Variants in SLIT3 observed in about 807,000 individuals in gnomAD.
The protein encoded by SLIT3 is slit guidance ligand 3.
In SLIT3, 68 loss-of-function variants were observed where a neutral mutation model predicts 184.0. The ratio of observed to expected loss-of-function variants is 0.37; its 90% CI spans 0.30 to 0.45. SLIT3 has a LOEUF of 0.45. Among genes scored for constraint, SLIT3 ranks in the 20% least tolerant of loss-of-function variants. SLIT3 has a pLI of 1.00. For synonymous variants in SLIT3, 831 were observed against 828.6 expected, an observed-to-expected ratio of 1.00 and a Z score of -0.05; for missense variants, 1,707 against 2,026.0, an observed-to-expected ratio of 0.84 and a Z score of 3.02.
chr5:168,804,824 A>G (rs939117498), intron 9 of SLIT3, among the ~76,000 whole-genome samples: 1 of 152,202 alleles, frequency 6.6e-6, no homozygotes, highest in Non-Finnish European at 1.5e-5. Context: ...GTAAAGCCAA[A>G]GTCTTTAAAA....
intron 5 of SLIT3, among the ~76,000 whole-genome samples, chr5:168,845,303 T>A (rs1447304633): frequency 6.6e-6 from 1 of 152,146 alleles, no homozygotes; most frequent in Non-Finnish European, 1.5e-5. Flanking sequence ...ATCTGGTAGG[T>A]CATTCTATTG....
chr5:169,043,929 C>T (rs150224480), intron 4 of SLIT3, among the ~76,000 whole-genome samples: 23 of 152,304 alleles, frequency 1.5e-4, no homozygotes, highest in Middle Eastern at 3.4e-3. Context: ...GACATAACTA[C>T]GACAGAACAT....
At chr5:168,809,979 G>A (rs558331458) in intron 8 of SLIT3, among the ~76,000 whole-genome samples, 1 of 152,242 alleles carries the variant, frequency 6.6e-6, no homozygotes, top group Admixed American at 6.5e-5. Flanking sequence ...TTTCCATGCT[G>A]GCAAAATCAC....
chr5:168,739,113 A>T (rs4867869), intron 20 of SLIT3, among the ~76,000 whole-genome samples: 21,367 of 152,178 alleles, frequency 0.14, 1,878 homozygotes, highest in Non-Finnish European at 0.2. Flanking sequence ...GACATTATTT[A>T]AAAAATATAT....
chr5:168,852,213 C>T (rs560078765), intron 5 of SLIT3, among the ~76,000 whole-genome samples: 2 of 152,250 alleles, frequency 1.3e-5, no homozygotes, highest in East Asian at 3.9e-4. Flanking sequence ...GAGGAAGAAG[C>T]GAGAAACTGG....
At chr5:168,950,496 T>A (rs1562023256) in intron 4 of SLIT3, among the ~76,000 whole-genome samples, 1 of 152,358 alleles carries the variant, frequency 6.6e-6, no homozygotes, top group East Asian at 1.9e-4. Flanking sequence ...GTGGGCAACA[T>A]ACACAGTCTC....
intron 3 of SLIT3, among the ~76,000 whole-genome samples, chr5:169,210,585 T>C (rs767584233): frequency 1.3e-5 from 2 of 152,050 alleles, no homozygotes; most frequent in African/African-American, 2.4e-5. Context: ...AGTCAGTTAG[T>C]AGGAAGAGAA....
chr5:168,962,514 G>A (rs757839169), intron 4 of SLIT3, among the ~76,000 whole-genome samples: 13 of 151,692 alleles, frequency 8.6e-5, no homozygotes, highest in East Asian at 3.9e-4. Flanking sequence ...TCTATATTCC[G>A]TGTGCTGATG....
chr5:169,023,763 G>A (rs1011299727), intron 4 of SLIT3: 1 of 152,250 alleles, frequency 6.6e-6, no homozygotes, highest in Non-Finnish European at 1.5e-5. Flanking sequence ...GGATGGCTGT[G>A]TGTGGGTGGG....
chr5:169,143,794 CG>C, intron 4 of SLIT3, among the ~76,000 whole-genome samples: 1 of 150,346 alleles, frequency 6.7e-6, no homozygotes, highest in African/African-American at 2.5e-5. Flanking sequence ...AGCCAGAAAA[CG>C]AAAAAAAACA....
intron 4 of SLIT3, among the ~76,000 whole-genome samples, chr5:168,912,866 C>T (rs1761299119): frequency 6.6e-6 from 1 of 152,162 alleles, no homozygotes; most frequent in Non-Finnish European, 1.5e-5. Flanking sequence ...TGGTCCTGTT[C>T]ATCCTTCTCC....
In SLIT3 at chr5:169,019,821, G is replaced by A. The variant is rs1441096704; in HGVS notation, c.414-136485C>T. Among the ~76,000 whole-genome samples, 5 of 152,320 alleles carry A rather than the reference G, an allele frequency of 3.3e-5. No homozygotes were observed. The South Asian group carries it at 8.3e-4, about 25-fold the overall frequency. ...TTCTCTTTTATAAAGGATTAAATAT[G>A]TTTGAGTCTTTTTATGTCCTCTTAA... On this transcript the variant is annotated intron_variant, in intron 4 of 35. Coordinates refer to ENST00000519560, the MANE Select transcript of SLIT3 (RefSeq NM_003062.4).
chr5:168,746,492 G>GT (rs1754420728), intron 20 of SLIT3, among the ~76,000 whole-genome samples: 1 of 133,720 alleles, frequency 7.5e-6, no homozygotes, highest in African/African-American at 2.8e-5. Flanking sequence ...GGTGGTGTGT[G>GT]GTGGTGTGTG....
chr5:168,753,400 G>A (rs1754785370), intron 17 of SLIT3, among the ~76,000 whole-genome samples: 5 of 152,254 alleles, frequency 3.3e-5, no homozygotes, highest in Admixed American at 2.0e-4. Flanking sequence ...TCTGGGAAGA[G>A]AAGAGAGAAT....
chr5:169,040,144 G>C (rs1757398936), intron 4 of SLIT3, among the ~76,000 whole-genome samples: 1 of 152,132 alleles, frequency 6.6e-6, no homozygotes, highest in South Asian at 2.1e-4. Flanking sequence ...CACATCCAGG[G>C]TTTCATTCAA....
chr5:169,184,058 C>G (rs1487551622), intron 4 of SLIT3, among the ~76,000 whole-genome samples: 5 of 152,168 alleles, frequency 3.3e-5, no homozygotes, highest in African/African-American at 4.8e-5. Flanking sequence ...CCAACTCTAC[C>G]TTTGATAAAT....
At chr5:168,854,226 T>G (rs1399435443) in intron 5 of SLIT3, among the ~76,000 whole-genome samples, 1 of 152,054 alleles carries the variant, frequency 6.6e-6, no homozygotes, top group African/African-American at 2.4e-5. Context: ...TGGGTGTAAC[T>G]CAAGTTATTG....
intron 4 of SLIT3, among the ~76,000 whole-genome samples, chr5:168,991,912 C>T (rs781211622): frequency 1.3e-5 from 2 of 152,232 alleles, no homozygotes; most frequent in East Asian, 3.9e-4. Flanking sequence ...GTGGGGGCAA[C>T]GGCAGACCCT....
At chr5:169,256,050 C>A (rs1481071308) in intron 1 of SLIT3, among the ~76,000 whole-genome samples, 1 of 152,198 alleles carries the variant, frequency 6.6e-6, no homozygotes, top group Non-Finnish European at 1.5e-5. Context: ...CCTGGAGCAA[C>A]TTCCAGTCCT....
Sources: gnomAD v4.1 joint callset for allele counts (sites outside exome capture counted in the v4.1 genomes callset) on GRCh38, gnomAD v4.1.1 for gene constraint, MANE v1.5 for transcripts, NCBI Gene and HGNC (gene_info 2026-07-23, HGNC 2026-07-21) for gene names.